The following MCC variants were observed in gnomAD, a reference collection of about 807,000 sequenced individuals.
MCC encodes colorectal mutant cancer protein.
In MCC, 90 loss-of-function variants were observed where a neutral mutation model predicts 116.2. The observed-to-expected ratio is 0.77, with a 90% CI of 0.65 to 0.92. The LOEUF (loss-of-function observed/expected upper bound fraction) is 0.92, where lower values mean the gene tolerates loss of function less well. Among genes scored for constraint, MCC ranks in the 40% least tolerant of loss-of-function variants. The pLI, the probability that MCC is intolerant of heterozygous loss-of-function variation, is 0.00. For synonymous variants in MCC, 578 were observed against 510.5 expected (o/e 1.13, Z -1.78); for missense variants, 1,516 against 1,312.2 (o/e 1.16, Z -2.40).
At chr5:113,087,167 T>C (rs1755253278) in intron 8 of MCC, among the ~76,000 whole-genome samples, 1 of 152,240 alleles carries the variant, frequency 6.6e-6, no homozygotes, top group South Asian at 2.1e-4. Context: ...ATTAAATGTC[T>C]AGGATGTCTC....
At chr5:113,312,656 C>T (rs1767163760) in intron 3 of MCC, among the ~76,000 whole-genome samples, 2 of 152,318 alleles carry the variant, frequency 1.3e-5, no homozygotes, top group Admixed American at 6.5e-5. Flanking sequence ...GGGTTTAAGA[C>T]TTGATCCAAA....
intron 1 of MCC, among the ~76,000 whole-genome samples, chr5:113,487,962 A>G (rs191553): frequency 0.69 from 104,667 of 151,968 alleles, 36,475 homozygotes; most frequent in East Asian, 0.88. Context: ...AGAACACTCC[A>G]AGCCCCCGGA....
At chr5:113,480,287 A>G (rs188740773) in intron 1 of MCC, among the ~76,000 whole-genome samples, 44 of 152,360 alleles carry the variant, frequency 2.9e-4, no homozygotes, top group Non-Finnish European at 5.3e-4. Flanking sequence ...TAGGTCATAC[A>G]TTTCACTGAT....
chr5:113,142,700 G>A (rs17135341), intron 5 of MCC, among the ~76,000 whole-genome samples: 5,071 of 152,256 alleles, frequency 0.033, 119 homozygotes, highest in South Asian at 0.11. Flanking sequence ...TGTTGGTAGA[G>A]CAATTTGAGG....
At chr5:113,471,557 T>G (rs575578441) in intron 1 of MCC, among the ~76,000 whole-genome samples, 1 of 152,018 alleles carries the variant, frequency 6.6e-6, no homozygotes, top group South Asian at 2.1e-4. Context: ...AGTACCTGGC[T>G]GTGTGAGGTG....
chr5:113,439,593 G>T (rs116045294), intron 1 of MCC, among the ~76,000 whole-genome samples: 1 of 152,296 alleles, frequency 6.6e-6, no homozygotes, highest in African/African-American at 2.4e-5. Context: ...ATGGCCAGTC[G>T]TAAGTTTTCT....
chr5:113,361,339 A>G (rs533236342), intron 2 of MCC, among the ~76,000 whole-genome samples: 21 of 150,754 alleles, frequency 1.4e-4, no homozygotes, highest in Non-Finnish European at 2.7e-4. Context: ...CATCTTTATT[A>G]TATTCTTTTC....
intron 12 of MCC, among the ~76,000 whole-genome samples, chr5:113,070,377 A>C (rs1434069616): frequency 6.6e-6 from 1 of 152,220 alleles, no homozygotes; most frequent in Non-Finnish European, 1.5e-5. Context: ...AAAACAGATA[A>C]ATTTCAAAGT....
At chr5:113,316,224 C>A (rs1292097319) in intron 3 of MCC, among the ~76,000 whole-genome samples, 1 of 150,106 alleles carries the variant, frequency 6.7e-6, no homozygotes, top group East Asian at 1.9e-4. Context: ...CCACTGCACT[C>A]CAGCCTGGGC....
At chr5:113,029,785 G>A (rs568528273) in intron 17 of MCC, among the ~76,000 whole-genome samples, 4 of 152,214 alleles carry the variant, frequency 2.6e-5, no homozygotes, top group African/African-American at 7.2e-5. Flanking sequence ...AAGCCTTCTC[G>A]ACTACTCTGA....
chr5:113,328,799 C>T (rs147878240), intron 3 of MCC, among the ~76,000 whole-genome samples: 1 of 152,292 alleles, frequency 6.6e-6, no homozygotes, highest in African/African-American at 2.4e-5. Context: ...ATGTCCCAGG[C>T]TATCCCCAGA....
chr5:113,174,950 GA>G (rs1761258146), intron 3 of MCC, among the ~76,000 whole-genome samples: 1 of 151,948 alleles, frequency 6.6e-6, no homozygotes, highest in Non-Finnish European at 1.5e-5. Flanking sequence ...ATTTTTATGA[GA>G]AAATGTTCAC....
intron 4 of MCC, 56 bp downstream of exon 4, chr5:113,151,253 T>C: frequency 1.9e-6 from 2 of 1,038,612 alleles, no homozygotes; most frequent in South Asian, 1.5e-5. Flanking sequence ...TATCTTAAGA[T>C]TAAATATTTA....
At chr5:113,027,576 C>G (rs1750646298) in intron 18 of MCC, 94 bp from the exon 19 acceptor site, 1 of 1,126,016 alleles carries the variant, frequency 8.9e-7, no homozygotes, top group African/African-American at 1.5e-5. Context: ...CTAGTGAGCA[C>G]TGCTCTGAAG....
chr5:113,025,032 AGGGGAGG>A lies in MCC; in HGVS notation c.*2263_*2269del. On this transcript the variant is annotated 3_prime_UTR_variant, in exon 19 of 19. Coordinates refer to ENST00000408903, the MANE Select transcript of MCC (RefSeq NM_001085377.2). Reference sequence around the variant, plus strand: ...CTCTGCCTGGGGGAATTCTCAGAGAAGGGGAGGTTCTCTGATTTTACCTGGAGCAAGA... The same window carrying A: ...CTCTGCCTGGGGGAATTCTCAGAGAATTCTCTGATTTTACCTGGAGCAAGA... 1 of 152,000 alleles carries A rather than the reference AGGGGAGG, an allele frequency of 6.6e-6. No individual in the cohort carries two copies. The highest frequency in any genetic ancestry group is 2.4e-5 in the African/African-American group (1 of 41,374). The allele number at this position is 152,000 out of a possible 1,614,324, so 9.4% of individuals were successfully genotyped here.
intron 3 of MCC, among the ~76,000 whole-genome samples, chr5:113,317,516 C>G (rs1158211807): frequency 6.6e-6 from 1 of 152,122 alleles, no homozygotes; most frequent in Non-Finnish European, 1.5e-5. Flanking sequence ...TGTTTCATGA[C>G]TGATAGTATC....
intron 3 of MCC, among the ~76,000 whole-genome samples, chr5:113,187,948 C>A (rs1761982305): frequency 6.6e-6 from 1 of 152,228 alleles, no homozygotes; most frequent in African/African-American, 2.4e-5. Context: ...AAAGACCTAA[C>A]AAGAGGGGCA....
rs1450064659 is a variant in MCC, at chr5:113,082,869, C to T, written c.1775G>A (p.Arg592Gln). 10 of 1,613,850 alleles carry T rather than the reference C, an allele frequency of 6.2e-6. No homozygotes were observed. The highest frequency in any genetic ancestry group is 5.0e-5 in the Admixed American group (3 of 59,976). Residue 592 changes from arginine to glutamine, a missense_variant, in exon 11 of 19, where the codon CGG becomes CAG. Arg to Gln is a conservative substitution (Grantham distance 43). Coordinates refer to ENST00000408903, the MANE Select transcript of MCC (RefSeq NM_001085377.2). ...TACGATCTCTCCTCACCTATTCAGCCGTTCTGTTTCCACCTCAAACTCTCT... is the reference window on the plus strand; with the variant it reads ...TACGATCTCTCCTCACCTATTCAGCTGTTCTGTTTCCACCTCAAACTCTCT... ...KIREFEVETERLNSRIEHLKS... is the reference protein window; with the variant it reads ...KIREFEVETEQLNSRIEHLKS...
chr5:113,073,348 T>C (rs1040961907), intron 11 of MCC, among the ~76,000 whole-genome samples: 5 of 152,240 alleles, frequency 3.3e-5, no homozygotes, highest in East Asian at 1.9e-4. Context: ...ACCACAAAGA[T>C]TGTGCTGCTT....
Sources: gnomAD v4.1 joint callset for allele counts (sites outside exome capture counted in the v4.1 genomes callset) on GRCh38, gnomAD v4.1.1 for gene constraint, MANE v1.5 for transcripts, NCBI Gene and HGNC (gene_info 2026-07-23, HGNC 2026-07-21) for gene names.